The following IL1RAPL1 variants were observed in gnomAD, a reference collection of about 807,000 sequenced individuals.
IL1RAPL1 encodes the protein interleukin-1 receptor accessory protein-like 1.
In IL1RAPL1, 3 loss-of-function variants were observed where a neutral mutation model predicts 48.4. That is an observed-to-expected ratio of 0.06 (90% CI 0.03 to 0.16). IL1RAPL1 has a LOEUF of 0.16. Ranked by LOEUF, IL1RAPL1 falls within the 10% of genes least tolerant of loss-of-function variation. The probability of loss-of-function intolerance (pLI) is 1.00; values close to 1 mark genes in which losing one functional copy is unlikely to be tolerated. For missense variants in IL1RAPL1, 349 were observed against 530.6 expected (o/e 0.66, Z 3.36); for synonymous variants, 185 against 187.7 (o/e 0.99, Z 0.12).
chrX:29,659,688 G>T, intron 5 of IL1RAPL1, among the ~76,000 whole-genome samples: 1 of 111,601 alleles, frequency 9.0e-6, no homozygotes, highest in East Asian at 2.8e-4. Flanking sequence ...GCAATGGCGC[G>T]ATCTCAGCTC....
At chrX:29,445,406 T>C (rs914585704) in intron 5 of IL1RAPL1, among the ~76,000 whole-genome samples, 2 of 111,718 alleles carry the variant, frequency 1.8e-5, no homozygotes, top group African/African-American at 6.5e-5. Context: ...AGAAAATCAA[T>C]TGCTGAGTTT....
chrX:28,633,447 A>G (rs1934423507), intron 1 of IL1RAPL1, among the ~76,000 whole-genome samples: 1 of 111,763 alleles, frequency 8.9e-6, no homozygotes, highest in East Asian at 2.8e-4. Flanking sequence ...TTTTGTGCTA[A>G]TAATAGTAAA....
chrX:28,879,507 A>G (rs745413572), intron 2 of IL1RAPL1, among the ~76,000 whole-genome samples: 1 of 111,726 alleles, frequency 9.0e-6, no homozygotes, highest in Non-Finnish European at 1.9e-5. Context: ...ACATTTGGTC[A>G]GGAGTATTTT....
intron 6 of IL1RAPL1, among the ~76,000 whole-genome samples, chrX:29,913,749 G>A (rs372963552): frequency 2.7e-5 from 3 of 110,151 alleles, no homozygotes; most frequent in South Asian, 3.8e-4. Flanking sequence ...ATGTGATTGC[G>A]TCAGTCTCCT....
chrX:29,102,405 G>A (rs976540231), intron 2 of IL1RAPL1, among the ~76,000 whole-genome samples: 1 of 111,949 alleles, frequency 8.9e-6, no homozygotes. Context: ...GGTGGCTCAC[G>A]CCTATAATCC....
chrX:29,335,335 GGGGAGA>G (rs1206712584), intron 3 of IL1RAPL1, among the ~76,000 whole-genome samples: 3 of 36,700 alleles, frequency 8.2e-5, no homozygotes, highest in African/African-American at 2.6e-4. Flanking sequence ...AGAGGGGAGA[GGGGAGA>G]GGGAGAGCTA....
chrX:29,871,046 A>G (rs1257903182), intron 6 of IL1RAPL1, among the ~76,000 whole-genome samples: 2 of 112,428 alleles, frequency 1.8e-5, no homozygotes, highest in Non-Finnish European at 3.8e-5. Flanking sequence ...CTCTAGGAAG[A>G]GTCCATTTCC....
intron 2 of IL1RAPL1, among the ~76,000 whole-genome samples, chrX:29,093,734 G>T (rs1253251764): frequency 8.9e-6 from 1 of 111,956 alleles, no homozygotes; most frequent in East Asian, 2.8e-4. Flanking sequence ...TGCAGCTAGG[G>T]AACTGAGATC....
At chrX:28,856,914 A>G (rs1326484057) in intron 2 of IL1RAPL1, among the ~76,000 whole-genome samples, 1 of 112,471 alleles carries the variant, frequency 8.9e-6, no homozygotes, top group Non-Finnish European at 1.9e-5. Flanking sequence ...TAGTGAAGAA[A>G]GCATGGTGAA....
At chrX:29,881,789 C>T (rs755711800) in intron 6 of IL1RAPL1, among the ~76,000 whole-genome samples, 1 of 111,251 alleles carries the variant, frequency 9.0e-6, no homozygotes, top group Non-Finnish European at 1.9e-5. Context: ...ATTTATTGAT[C>T]AGAATTTAAC....
chrX:28,849,607 A>G (rs1042558756), intron 2 of IL1RAPL1, among the ~76,000 whole-genome samples: 1 of 112,326 alleles, frequency 8.9e-6, no homozygotes, highest in South Asian at 3.7e-4. Flanking sequence ...TTCTAAGAAC[A>G]TCTAATTAGA....
chrX:29,647,851 T>C (rs1449972887), intron 5 of IL1RAPL1, among the ~76,000 whole-genome samples: 1 of 111,810 alleles, frequency 8.9e-6, no homozygotes, highest in Non-Finnish European at 1.9e-5. Context: ...GTCAAAGATA[T>C]AGAGTGGCTG....
At chrX:29,232,151 A>C (rs1022671608) in intron 2 of IL1RAPL1, among the ~76,000 whole-genome samples, 2 of 111,709 alleles carry the variant, frequency 1.8e-5, no homozygotes, top group Non-Finnish European at 3.8e-5. Context: ...ATATATATTA[A>C]ATGTTAGTGA....
intron 2 of IL1RAPL1, among the ~76,000 whole-genome samples, chrX:28,912,794 T>C (rs1000061140): frequency 3.6e-5 from 4 of 111,294 alleles, no homozygotes; most frequent in African/African-American, 6.5e-5. Flanking sequence ...AGATTAATAA[T>C]AGCCACAGAG....
intron 2 of IL1RAPL1, among the ~76,000 whole-genome samples, chrX:29,217,335 A>G (rs1454044740): frequency 8.9e-6 from 1 of 112,459 alleles, no homozygotes; most frequent in Admixed American, 9.5e-5. Context: ...GCAGATTCTA[A>G]TTCAAAAAGC....
chrX:28,796,007 G>A (rs954710631), intron 2 of IL1RAPL1, among the ~76,000 whole-genome samples: 1 of 111,739 alleles, frequency 8.9e-6, no homozygotes, highest in Non-Finnish European at 1.9e-5. Context: ...CGGAAGGCAA[G>A]GAGAAGCAAG....
intron 1 of IL1RAPL1, among the ~76,000 whole-genome samples, chrX:28,689,291 C>T (rs774248514): frequency 9.0e-6 from 1 of 110,769 alleles, no homozygotes; most frequent in Non-Finnish European, 1.9e-5. Flanking sequence ...TGGTTTCCCC[C>T]ATGCTGTTCT....
intron 3 of IL1RAPL1, among the ~76,000 whole-genome samples, chrX:29,376,110 GGTTT>G (rs1366266083): frequency 2.7e-5 from 3 of 110,698 alleles, no homozygotes; most frequent in South Asian, 3.8e-4. Flanking sequence ...CTAGTTTTAG[GGTTT>G]GTTTGTTCTT....
At position 29,806,198 on chromosome X, in the gene IL1RAPL1, AGCACACGGGCACACGTGCGT is replaced by A. The variant is rs769751378; in HGVS notation, c.779-111261_779-111242del. Among the ~76,000 whole-genome samples the A allele has an allele frequency of 5.1e-4, 57 of 110,866 alleles. No individual in the cohort carries two copies. The South Asian group carries it at 0.02, about 39-fold the overall frequency. ...GTTGCTCTTGCTCTATGTACATGTGAGCACACGGGCACACGTGCGTGCACGCGTGCACACACACACACTTA... is the reference window on the plus strand; with the variant it reads ...GTTGCTCTTGCTCTATGTACATGTGAGCACGCGTGCACACACACACACTTA... On this transcript the variant is annotated intron_variant, in intron 6 of 10. Transcript: ENST00000378993.
Sources: gnomAD v4.1 joint callset for allele counts (sites outside exome capture counted in the v4.1 genomes callset) on GRCh38, gnomAD v4.1.1 for gene constraint, MANE v1.5 for transcripts, NCBI Gene and HGNC (gene_info 2026-07-23, HGNC 2026-07-21) for gene names.